The following RALYL variants were observed in gnomAD, a reference collection of about 807,000 sequenced individuals.
RALYL encodes RNA-binding Raly-like protein.
A neutral mutation model predicts 35.1 loss-of-function variants in RALYL; 29 were observed. The ratio of observed to expected loss-of-function variants is 0.83; its 90% CI spans 0.61 to 1.13. The LOEUF (loss-of-function observed/expected upper bound fraction) is 1.13, where lower values mean the gene tolerates loss of function less well. Ranked by LOEUF, RALYL falls within the 50% of genes most tolerant of loss-of-function variation. RALYL has a pLI of 0.00. For synonymous variants in RALYL, 120 were observed against 127.6 expected, an observed-to-expected ratio of 0.94 and a Z score of 0.40; for missense variants, 359 against 360.4, an observed-to-expected ratio of 1.00 and a Z score of 0.03.
At chr8:84,802,815 A>G (rs889144815) in intron 3 of RALYL, among the ~76,000 whole-genome samples, 4 of 152,164 alleles carry the variant, frequency 2.6e-5, no homozygotes, top group East Asian at 3.8e-4. Flanking sequence ...AGCAGTGTGT[A>G]AAGTTGAAGT....
chr8:84,449,355 T>C (rs1470078997), intron 1 of RALYL, among the ~76,000 whole-genome samples: 1 of 152,008 alleles, frequency 6.6e-6, no homozygotes, highest in Non-Finnish European at 1.5e-5. Flanking sequence ...TCCTTGATTA[T>C]TCCTGGAAAA....
At chr8:84,587,984 A>G (rs1812370410) in intron 2 of RALYL, among the ~76,000 whole-genome samples, 1 of 152,176 alleles carries the variant, frequency 6.6e-6, no homozygotes, top group African/African-American at 2.4e-5. Context: ...AAAGAGTATG[A>G]TGGCATTTCA....
intron 1 of RALYL, among the ~76,000 whole-genome samples, chr8:84,285,893 CAT>C (rs1297276354): frequency 2.2e-4 from 34 of 152,126 alleles, no homozygotes; most frequent in Non-Finnish European, 2.6e-4. Flanking sequence ...AGAGGAATAA[CAT>C]GATTTGATTT....
intron 1 of RALYL, among the ~76,000 whole-genome samples, chr8:84,257,266 A>G (rs567937880): frequency 6.6e-5 from 10 of 152,192 alleles, no homozygotes; most frequent in African/African-American, 2.2e-4. Context: ...CAATTAGAAA[A>G]TGTTCAGGTG....
At chr8:84,390,468 G>T (rs1860385991) in intron 1 of RALYL, among the ~76,000 whole-genome samples, 1 of 152,022 alleles carries the variant, frequency 6.6e-6, no homozygotes, top group African/African-American at 2.4e-5. Flanking sequence ...AATCCATCTG[G>T]TCCTGGACTC....
intron 1 of RALYL, among the ~76,000 whole-genome samples, chr8:84,214,347 A>G (rs1382492823): frequency 6.6e-6 from 1 of 152,180 alleles, no homozygotes; most frequent in Non-Finnish European, 1.5e-5. Flanking sequence ...ATGGATTTAT[A>G]TAGCCTGGGA....
intron 1 of RALYL, among the ~76,000 whole-genome samples, chr8:84,403,273 T>C (rs1318679597): frequency 6.6e-6 from 1 of 152,086 alleles, no homozygotes; most frequent in Non-Finnish European, 1.5e-5. Context: ...GGTTTTCTTC[T>C]AGGGTTTTTA....
At chr8:84,378,427 T>C (rs1162166971) in intron 1 of RALYL, among the ~76,000 whole-genome samples, 1 of 151,958 alleles carries the variant, frequency 6.6e-6, no homozygotes, top group Non-Finnish European at 1.5e-5. Context: ...ATTTTAGGCA[T>C]ATATGAATAA....
chr8:84,830,229 G>A (rs142696431), intron 4 of RALYL, among the ~76,000 whole-genome samples: 1 of 152,044 alleles, frequency 6.6e-6, no homozygotes, highest in African/African-American at 2.4e-5. Context: ...AAAACCCTGC[G>A]AGTATTAATT....
intron 2 of RALYL, among the ~76,000 whole-genome samples, chr8:84,736,379 A>G (rs957110738): frequency 6.6e-5 from 10 of 152,110 alleles, no homozygotes; most frequent in Non-Finnish European, 1.2e-4. Flanking sequence ...GGATGACTGG[A>G]AACAAGTAAA....
intron 1 of RALYL, among the ~76,000 whole-genome samples, chr8:84,307,377 G>A (rs916149363): frequency 8.6e-5 from 13 of 152,022 alleles, no homozygotes; most frequent in African/African-American, 3.1e-4. Context: ...ATGAATCAGG[G>A]CTTAAGTTAA....
At chr8:84,681,930 G>T (rs1835618342) in intron 2 of RALYL, among the ~76,000 whole-genome samples, 1 of 152,178 alleles carries the variant, frequency 6.6e-6, no homozygotes, top group African/African-American at 2.4e-5. Context: ...TTTTCAAAGG[G>T]AATGCTTACA....
At chr8:84,683,793 T>C (rs922149258) in intron 2 of RALYL, among the ~76,000 whole-genome samples, 1 of 152,152 alleles carries the variant, frequency 6.6e-6, no homozygotes, top group African/African-American at 2.4e-5. Context: ...TTCAAGCGAT[T>C]CTCCTGCCAC....
chr8:84,463,990 G>A (rs1165148732), intron 1 of RALYL, among the ~76,000 whole-genome samples: 1 of 151,738 alleles, frequency 6.6e-6, no homozygotes, highest in Non-Finnish European at 1.5e-5. Context: ...TTCTGGGTGT[G>A]GCTTCCTTCA....
At chr8:84,504,739 G>T (rs1480269779) in intron 1 of RALYL, among the ~76,000 whole-genome samples, 3 of 152,052 alleles carry the variant, frequency 2.0e-5, no homozygotes, top group Non-Finnish European at 4.4e-5. Flanking sequence ...ATGCTCCAGG[G>T]TTTTAGACAC....
At chr8:84,746,776 TAA>T (rs2133139745) in intron 2 of RALYL, among the ~76,000 whole-genome samples, 1 of 152,028 alleles carries the variant, frequency 6.6e-6, no homozygotes, top group East Asian at 1.9e-4. Context: ...TACTTAATAA[TAA>T]AGTCATTTAA....
chr8:84,197,486 A>G (rs1815614583), intron 1 of RALYL, among the ~76,000 whole-genome samples: 1 of 152,216 alleles, frequency 6.6e-6, no homozygotes, highest in South Asian at 2.1e-4. Flanking sequence ...AATGGTGATA[A>G]TAAAGATATT....
intron 2 of RALYL, among the ~76,000 whole-genome samples, chr8:84,624,640 A>G (rs913933483): frequency 6.6e-6 from 1 of 152,200 alleles, no homozygotes; most frequent in African/African-American, 2.4e-5. Flanking sequence ...TGCCATCTGC[A>G]AAGGCCTCTT....
At chr8:84,321,025 G>T (rs1844707425) in intron 1 of RALYL, among the ~76,000 whole-genome samples, 1 of 152,072 alleles carries the variant, frequency 6.6e-6, no homozygotes, top group Non-Finnish European at 1.5e-5. Flanking sequence ...CTAGGGAAAT[G>T]TCAGGGGTTA....
Sources: allele counts gnomAD v4.1 joint callset (sites outside exome capture counted in the v4.1 genomes callset), GRCh38; gene constraint gnomAD v4.1.1; transcripts MANE v1.5; gene names NCBI Gene and HGNC (gene_info 2026-07-23, HGNC 2026-07-21).